MIPOL1: variants seen among roughly 807,000 people sequenced by gnomAD.
The protein encoded by MIPOL1 is mirror-image polydactyly 1.
A neutral mutation model predicts 60.9 loss-of-function variants in MIPOL1; 57 were observed. That is an observed-to-expected ratio of 0.94 (90% CI 0.76 to 1.17). The LOEUF is 1.17. Among genes scored for constraint, MIPOL1 ranks in the 50% most tolerant of loss-of-function variants. The pLI is 0.00. For missense variants in MIPOL1, 551 were observed against 511.6 expected, an observed-to-expected ratio of 1.08 and a Z score of -0.74; for synonymous variants, 179 against 168.8, an observed-to-expected ratio of 1.06 and a Z score of -0.47.
intron 1 of MIPOL1, among the ~76,000 whole-genome samples, chr14:37,205,043 C>T (rs1965861904): frequency 6.6e-6 from 1 of 151,898 alleles, no homozygotes; most frequent in Admixed American, 6.6e-5. Flanking sequence ...TGCTCCTGCC[C>T]CAGAGATTTG....
At position 37,548,914 on chromosome 14, in the gene MIPOL1, A is replaced by G. The variant is rs552336901; in HGVS notation, c.*1943A>G. 3 of 152,108 alleles carry G rather than the reference A, an allele frequency of 2.0e-5. No homozygotes were observed. Among genetic ancestry groups the G allele is most frequent in the South Asian group, 2.1e-4 (1 of 4,830 alleles). 9.4% of individuals were successfully genotyped at this position (152,108 alleles called of 1,614,324 possible). Reference sequence around the variant, plus strand: ...ATAGAATATGATATTATAAAGTTAAATTTGCAAAATAATTCTAACATCCAC... The same window carrying G: ...ATAGAATATGATATTATAAAGTTAAGTTTGCAAAATAATTCTAACATCCAC... On this transcript the variant is annotated 3_prime_UTR_variant, in exon 13 of 13. Coordinates refer to ENST00000684589, the MANE Select transcript of MIPOL1 (RefSeq NM_001388067.1).
intron 11 of MIPOL1, among the ~76,000 whole-genome samples, chr14:37,439,419 G>A (rs2094208818): frequency 6.6e-6 from 1 of 152,148 alleles, no homozygotes; most frequent in Non-Finnish European, 1.5e-5. Context: ...TTGTTAACAT[G>A]TATTTAGTTT....
intron 9 of MIPOL1, among the ~76,000 whole-genome samples, chr14:37,343,216 C>T (rs2090705557): frequency 6.6e-6 from 1 of 151,724 alleles, no homozygotes; most frequent in South Asian, 2.1e-4. Context: ...ACCTCTTATT[C>T]TTGTATAAGT....
At chr14:37,521,978 T>C (rs2095417523) in intron 12 of MIPOL1, among the ~76,000 whole-genome samples, 1 of 150,792 alleles carries the variant, frequency 6.6e-6, no homozygotes, top group Non-Finnish European at 1.5e-5. Flanking sequence ...CTACATGATC[T>C]TTACATTTTT....
intron 9 of MIPOL1, among the ~76,000 whole-genome samples, chr14:37,328,244 A>G (rs145579168): frequency 0.03 from 4,632 of 152,000 alleles, 87 homozygotes; most frequent in Middle Eastern, 0.092. Flanking sequence ...TGAACTCCTG[A>G]CCTCGGGCAA....
intron 11 of MIPOL1, among the ~76,000 whole-genome samples, chr14:37,491,594 C>G (rs1471366513): frequency 6.6e-6 from 1 of 152,146 alleles, no homozygotes; most frequent in African/African-American, 2.4e-5. Context: ...TAGGTTGTTA[C>G]ATTTCTAAAC....
chr14:37,499,586 A>G (rs564768541), intron 11 of MIPOL1, among the ~76,000 whole-genome samples: 24 of 152,296 alleles, frequency 1.6e-4, no homozygotes, highest in African/African-American at 5.5e-4. Context: ...TTATTTGCCT[A>G]GAGATACTTT....
intron 7 of MIPOL1, among the ~76,000 whole-genome samples, chr14:37,296,446 A>C (rs928539527): frequency 2.6e-5 from 4 of 152,238 alleles, no homozygotes; most frequent in African/African-American, 9.6e-5. Context: ...GCAAGAAATA[A>C]CTAAGATCAG....
intron 3 of MIPOL1, among the ~76,000 whole-genome samples, chr14:37,262,216 A>G (rs1011790989): frequency 6.6e-6 from 1 of 152,072 alleles, no homozygotes; most frequent in Admixed American, 6.6e-5. Flanking sequence ...CAAAGAAAGT[A>G]TATACTATAT....
At chr14:37,347,427 A>G (rs149266381) in intron 9 of MIPOL1, among the ~76,000 whole-genome samples, 4 of 152,330 alleles carry the variant, frequency 2.6e-5, no homozygotes, top group Non-Finnish European at 5.9e-5. Flanking sequence ...ATCACTAATG[A>G]TAGATGCTCA....
intron 9 of MIPOL1, among the ~76,000 whole-genome samples, chr14:37,353,947 A>T (rs192148228): frequency 2.6e-5 from 4 of 151,820 alleles, no homozygotes; most frequent in Non-Finnish European, 5.9e-5. Context: ...GCCTTCTGCT[A>T]GCTTTTGAAT....
At chr14:37,383,582 T>A (rs2092986225) in intron 10 of MIPOL1, among the ~76,000 whole-genome samples, 1 of 151,896 alleles carries the variant, frequency 6.6e-6, no homozygotes, top group Non-Finnish European at 1.5e-5. Flanking sequence ...ACTGTAATAG[T>A]TGCTGGAATC....
At chr14:37,288,035 A>T (rs114274377) in intron 7 of MIPOL1, among the ~76,000 whole-genome samples, 2,849 of 152,318 alleles carry the variant, frequency 0.019, 79 homozygotes, top group African/African-American at 0.064. Flanking sequence ...TAGAGAGTTT[A>T]TTGGGGCCAA....
chr14:37,482,728 G>A (rs191000453), intron 11 of MIPOL1, among the ~76,000 whole-genome samples: 3 of 152,296 alleles, frequency 2.0e-5, no homozygotes, highest in African/African-American at 7.2e-5. Context: ...TGCAATTCAA[G>A]ATGAGATTTG....
intron 11 of MIPOL1, among the ~76,000 whole-genome samples, chr14:37,442,088 T>TTTTG (rs1474397266): frequency 2.1e-5 from 3 of 143,714 alleles, no homozygotes; most frequent in Admixed American, 7.0e-5. Flanking sequence ...TTCTACTTTG[T>TTTTG]TGTGTGTGTG....
chr14:37,501,476 C>CA (rs1404402913), intron 12 of MIPOL1: 3 of 152,108 alleles, frequency 2.0e-5, no homozygotes, highest in Admixed American at 2.0e-4. Context: ...ATTCTATTTT[C>CA]AAAAAATCTT....
At chr14:37,246,040 T>C (rs1214745121) in intron 1 of MIPOL1, among the ~76,000 whole-genome samples, 1 of 152,156 alleles carries the variant, frequency 6.6e-6, no homozygotes, top group Non-Finnish European at 1.5e-5. Context: ...ATGATAGTAC[T>C]CAGGTTTTTG....
chr14:37,418,934 T>C lies in MIPOL1; in HGVS notation c.937-3921T>C, dbSNP rs562581461. ...ATCCATATAAAACTTTATATAGCTA[T>C]ATATATCTATATATAGTGTAAATGC... On this transcript the variant is annotated intron_variant, in intron 10 of 12. Coordinates refer to ENST00000684589, the MANE Select transcript of MIPOL1 (RefSeq NM_001388067.1). 2.4e-4 allele frequency among the ~76,000 whole-genome samples: 36 copies of C among 152,178 alleles called. No homozygotes were observed. In the East Asian group the frequency reaches 5.6e-3, roughly 24 times the overall value.
At position 37,421,339 on chromosome 14, in the gene MIPOL1, G is replaced by A. The variant is rs137979571; in HGVS notation, c.937-1516G>A. On this transcript the variant is annotated intron_variant, in intron 10 of 12. Transcript: ENST00000684589. ...TTATTTAGTAAAATCTCTATTACCCGTTCAGTATTTGATATTCCTTAAATG... is the reference window on the plus strand; with the variant it reads ...TTATTTAGTAAAATCTCTATTACCCATTCAGTATTTGATATTCCTTAAATG... 2.6e-3 allele frequency among the ~76,000 whole-genome samples: 393 copies of A among 152,138 alleles called. 1 individual carries two copies. The highest frequency in any genetic ancestry group is 9.0e-3 in the African/African-American group (373 of 41,512).
Sources: allele counts gnomAD v4.1 joint callset (sites outside exome capture counted in the v4.1 genomes callset), GRCh38; gene constraint gnomAD v4.1.1; transcripts MANE v1.5; gene names NCBI Gene and HGNC (gene_info 2026-07-23, HGNC 2026-07-21).